The following STK40 variants were observed in gnomAD, a reference collection of about 807,000 sequenced individuals.
The protein encoded by STK40 is serine/threonine-protein kinase 40.
In STK40, 13 loss-of-function variants were observed where a neutral mutation model predicts 47.9. The ratio of observed to expected loss-of-function variants is 0.27; its 90% CI spans 0.18 to 0.43. The LOEUF is 0.43. Among genes scored for constraint, STK40 ranks in the 20% least tolerant of loss-of-function variants. The probability of loss-of-function intolerance (pLI) is 1.00; values close to 1 mark genes in which losing one functional copy is unlikely to be tolerated. For missense variants in STK40, 460 were observed against 595.1 expected (o/e 0.77, Z 2.36); for synonymous variants, 225 against 243.2 (o/e 0.93, Z 0.69).
At chr1:36,345,991 A>ATATTTCTTTTTTTT in intron 7 of STK40, among the ~76,000 whole-genome samples, 1 of 26,468 alleles carries the variant, frequency 3.8e-5, no homozygotes, top group Non-Finnish European at 6.9e-5. Flanking sequence ...ATATATATAT[A>ATATTTCTTTTTTTT]TTTTTTTTTT....
At chr1:36,344,410 G>A (rs4653181) in intron 7 of STK40, 146 bp from the exon 8 acceptor site, 255,457 of 1,035,444 alleles carry the variant, frequency 0.25, 35,413 homozygotes, top group East Asian at 0.42. Flanking sequence ...CGTGCTCCCC[G>A]CTCCCCTGTT....
chr1:36,382,431 G>A (rs1467163984), intron 1 of STK40, among the ~76,000 whole-genome samples: 5 of 152,048 alleles, frequency 3.3e-5, no homozygotes, highest in African/African-American at 4.8e-5. Context: ...TGCCCATCTC[G>A]GCCTCCCAAA....
At chr1:36,357,656 A>C (rs1045299697) in intron 4 of STK40, among the ~76,000 whole-genome samples, 1 of 151,938 alleles carries the variant, frequency 6.6e-6, no homozygotes, top group Non-Finnish European at 1.5e-5. Context: ...TCGCTCTGTC[A>C]CCCAGGCTGG....
chr1:36,349,508 C>T (rs1326210450), intron 6 of STK40, among the ~76,000 whole-genome samples: 1 of 152,222 alleles, frequency 6.6e-6, no homozygotes, highest in Non-Finnish European at 1.5e-5. Context: ...GAGCTGCACA[C>T]ACAACTGACA....
At chr1:36,362,271 C>CG (rs961343566) in intron 1 of STK40, among the ~76,000 whole-genome samples, 7 of 152,136 alleles carry the variant, frequency 4.6e-5, no homozygotes, top group African/African-American at 1.2e-4. Flanking sequence ...AAGCAGGATC[C>CG]GGGGGGGACA....
chr1:36,383,052 G>A (rs959620150), intron 1 of STK40, among the ~76,000 whole-genome samples: 1 of 152,154 alleles, frequency 6.6e-6, no homozygotes, highest in Admixed American at 6.5e-5. Flanking sequence ...AGGTTCAAGA[G>A]ATTCTCCTGT....
intron 4 of STK40, among the ~76,000 whole-genome samples, chr1:36,356,074 G>A (rs1646800918): frequency 6.6e-6 from 1 of 152,134 alleles, no homozygotes; most frequent in African/African-American, 2.4e-5. Flanking sequence ...GGGGCAGTCT[G>A]CTTACCCTCT....
chr1:36,373,806 T>G (rs529580776), intron 1 of STK40, among the ~76,000 whole-genome samples: 1 of 152,330 alleles, frequency 6.6e-6, no homozygotes, highest in African/African-American at 2.4e-5. Context: ...ATGCATAATA[T>G]CACATCTCCA....
intron 6 of STK40, among the ~76,000 whole-genome samples, chr1:36,349,928 G>A (rs1407031528): frequency 6.6e-6 from 1 of 152,186 alleles, no homozygotes; most frequent in African/African-American, 2.4e-5. Context: ...ACAACAGGAA[G>A]GAGAGCTCCA....
chr1:36,375,603 G>A (rs1646985036), intron 1 of STK40, among the ~76,000 whole-genome samples: 1 of 152,206 alleles, frequency 6.6e-6, no homozygotes, highest in African/African-American at 2.4e-5. Flanking sequence ...CCTAGGTGCT[G>A]CGCTTCTCTT....
chr1:36,344,635 G>A (rs550456517), intron 7 of STK40, among the ~76,000 whole-genome samples: 25 of 152,220 alleles, frequency 1.6e-4, no homozygotes, highest in Non-Finnish European at 3.1e-4. Flanking sequence ...TCCTGTCACC[G>A]TCCCCACACC....
chr1:36,356,511 T>C (rs532661114), intron 4 of STK40, among the ~76,000 whole-genome samples: 106 of 148,236 alleles, frequency 7.2e-4, no homozygotes, highest in African/African-American at 9.2e-4. Context: ...CTGCAAGCTC[T>C]GCCTCCCAGG....
At chr1:36,385,358 G>C (rs1016105523) in intron 1 of STK40, among the ~76,000 whole-genome samples, 2 of 152,226 alleles carry the variant, frequency 1.3e-5, no homozygotes, top group African/African-American at 4.8e-5. Flanking sequence ...TCACCCTCGG[G>C]ATTAGGAGGG....
At chr1:36,366,743 T>C (rs1322249290) in intron 1 of STK40, among the ~76,000 whole-genome samples, 1 of 152,128 alleles carries the variant, frequency 6.6e-6, no homozygotes, top group Non-Finnish European at 1.5e-5. Context: ...CTGGGGTGCA[T>C]GGTCCACTAC....
At chr1:36,370,988 T>A (rs1290645795) in intron 1 of STK40, among the ~76,000 whole-genome samples, 2 of 151,740 alleles carry the variant, frequency 1.3e-5, no homozygotes, top group African/African-American at 4.8e-5. Flanking sequence ...GTGGTTCTCA[T>A]GCCCCAGGCT....
chr1:36,364,988 C>CTTT (rs747047937), intron 1 of STK40, among the ~76,000 whole-genome samples: 33 of 126,908 alleles, frequency 2.6e-4, no homozygotes, highest in African/African-American at 4.7e-4. Flanking sequence ...GGTCCTTATT[C>CTTT]TTTTTTTTTT....
In STK40 at chr1:36,383,939, C is replaced by T. The variant is rs150615050; in HGVS notation, c.-9+1784G>A. Among the ~76,000 whole-genome samples, 1,040 of 152,168 alleles carry T rather than the reference C, an allele frequency of 6.8e-3. 15 individuals are homozygous for T. The highest frequency in any genetic ancestry group is 0.024 in the African/African-American group (992 of 41,514). On this transcript the variant is annotated intron_variant, in intron 1 of 10. Coordinates refer to ENST00000373132, the MANE Select transcript of STK40 (RefSeq NM_001282547.2). The stretch of plus-strand genomic sequence containing the variant: ...TTTTCATGGCACACTCCCGTCCCCA[C>T]CCCACCCCCAAGGCTGAGCTCACAG...
At chr1:36,359,459 G>T (rs949334386) in intron 2 of STK40, among the ~76,000 whole-genome samples, 2 of 152,138 alleles carry the variant, frequency 1.3e-5, no homozygotes, top group African/African-American at 2.4e-5. Flanking sequence ...GCAACTTCAG[G>T]GTGAGGATCC....
In STK40 at chr1:36,340,354, G is replaced by A. The variant is rs1223140865; in HGVS notation, c.*1401C>T. 2.0e-5 allele frequency: 3 copies of A among 152,772 alleles called. No homozygotes were observed. Among genetic ancestry groups the A allele is most frequent in the African/African-American group, 7.2e-5 (3 of 41,456 alleles). The allele number at this position is 152,772 out of a possible 1,614,324, so 9.5% of individuals were successfully genotyped here. A position where few individuals can be genotyped will look rare whatever the true frequency, so the allele number is the denominator to read the frequency against. On this transcript the variant is annotated 3_prime_UTR_variant, in exon 11 of 11. Transcript: ENST00000373132. ...GGGAACTTGCCCAAGGTCACTCACA[G>A]TGAGTCAGCTTTTTAGGGGGAGGAG...
Sources: gnomAD v4.1 joint callset for allele counts (sites outside exome capture counted in the v4.1 genomes callset) on GRCh38, gnomAD v4.1.1 for gene constraint, MANE v1.5 for transcripts, NCBI Gene and HGNC (gene_info 2026-07-23, HGNC 2026-07-21) for gene names.